TH: variants seen among roughly 807,000 people sequenced by gnomAD.
The protein encoded by TH is tyrosine 3-monooxygenase.
Under a neutral mutation model 57.4 loss-of-function variants are expected in TH, and 49 were observed. The observed-to-expected ratio is 0.85, with a 90% CI of 0.68 to 1.08. The LOEUF is 1.08. TH is among the 50% of genes least tolerant of loss of function. The pLI, the probability that TH is intolerant of heterozygous loss-of-function variation, is 0.00. For synonymous variants in TH, 330 were observed against 304.5 expected, an observed-to-expected ratio of 1.08 and a Z score of -0.87; for missense variants, 720 against 696.7, an observed-to-expected ratio of 1.03 and a Z score of -0.38.
rs1411929969 is a variant in TH, at chr11:2,171,199, C to G, written c.90+498G>C. On this transcript the variant is annotated intron_variant, in intron 1 of 12. Coordinates refer to ENST00000352909, the MANE Select transcript of TH (RefSeq NM_000360.4). The surrounding 1 kb of genome is among the most constrained non-coding windows in gnomAD (Gnocchi z 8.6). ...AATTTTGCCCCCTATTTGCCCAGGA[C>G]CCCCCACCATGAGCTGCTGCTAGAG... 6.6e-6 allele frequency among the ~76,000 whole-genome samples: 1 copy of G among 152,002 alleles called. No individual in the cohort carries two copies. The highest frequency in any genetic ancestry group is 6.5e-5 in the Admixed American group (1 of 15,270).
At chr11:2,167,322 G>T (rs372908862) in intron 6 of TH, 113 bp downstream of exon 6, 2 of 1,277,272 alleles carry the variant, frequency 1.6e-6, no homozygotes, top group Non-Finnish European at 2.2e-6. Context: ...TCTTCTTCCC[G>T]GCCTTAGTCT....
intron 5 of TH, 99 bp downstream of exon 5, chr11:2,167,767 G>A (rs1432195360): frequency 7.1e-7 from 1 of 1,398,822 alleles, no homozygotes; most frequent in East Asian, 2.5e-5. Context: ...TGATGCTGGT[G>A]ACAAGATGGG....
rs777421313 is a variant in TH, at chr11:2,164,337, G to C, written c.1390C>G (p.Leu464Val). Reference protein sequence around the residue: ...PFSVKFDPYTLAIDVLDSPQA... With the variant: ...PFSVKFDPYTVAIDVLDSPQA... ...GGGCTGTCCAGCACGTCGATGGCCAGCGTGTACGGGTCGAACTTCACGGAG... is the reference window on the plus strand; with the variant it reads ...GGGCTGTCCAGCACGTCGATGGCCACCGTGTACGGGTCGAACTTCACGGAG... Residue 464 changes from leucine to valine, a missense_variant, in exon 13 of 13, where the codon CTG (leucine) becomes GTG (valine). By Grantham distance (32) the Leu-to-Val change is conservative. Coordinates refer to ENST00000352909, the MANE Select transcript of TH (RefSeq NM_000360.4). 2 of 1,543,794 alleles carry C rather than the reference G, an allele frequency of 1.3e-6. No homozygotes were observed. The highest frequency in any genetic ancestry group is 3.9e-5 in the Admixed American group (2 of 51,898).
In TH at chr11:2,164,193, C is replaced by G. The variant is rs1251518009; in HGVS notation, c.*40G>C. 2.1e-6 allele frequency: 3 copies of G among 1,422,070 alleles called. No homozygotes were observed. The African/African-American group carries it at 4.4e-5, about 21-fold the overall frequency. 88.1% of individuals were successfully genotyped at this position (1,422,070 alleles called of 1,614,324 possible). The stretch of plus-strand genomic sequence containing the variant: ...GCCTGAGCTCCGGGACAGTGCAGGA[C>G]CAGGGGAGGTTGGGAAGGGCCCTCA... On this transcript the variant is annotated 3_prime_UTR_variant, in exon 13 of 13. Transcript: ENST00000352909.
intron 6 of TH, 161 bp downstream of exon 6, chr11:2,167,274 C>T (rs539279551): frequency 2.0e-6 from 2 of 1,013,836 alleles, no homozygotes; most frequent in Admixed American, 2.1e-5. Flanking sequence ...TGGGTAGCCT[C>T]TTCCTCCCAA....
intron 2 of TH, among the ~76,000 whole-genome samples, chr11:2,169,062 G>T (rs760138707): frequency 6.6e-6 from 1 of 152,164 alleles, no homozygotes; most frequent in Non-Finnish European, 1.5e-5. Flanking sequence ...GCCCCTGAGC[G>T]TCCAGGACAC....
chr11:2,166,765 C>A lies in TH; in HGVS notation c.845G>T (p.Arg282Leu). 1.3e-6 allele frequency: 2 copies of A among 1,549,090 alleles called. No homozygotes were observed. The highest frequency in any genetic ancestry group is 1.7e-6 in the Non-Finnish European group (2 of 1,146,478). ...LEDVSRFLKE[R>L]TGFQLRPVAG... ...CACAGGCCGCAGCTGGAAGCCCGTG[C>A]GCTCTGCAAGGGGCCACGCGGGTCA... Residue 282 changes from arginine (R) to leucine (L), a missense_variant, in exon 8 of 13, where the codon CGC becomes CTC. Transcript: ENST00000352909.
chr11:2,166,110 C>A lies in TH; in HGVS notation c.1048-52G>T, dbSNP rs757246905. ...GGGAGAGGCAGCCCTGGGTCATGCT[C>A]GAGGTGGGGGCACCGGGGGTGTCAG... is the stretch of plus-strand genomic sequence containing the variant. On this transcript the variant is annotated intron_variant, in intron 9 of 12. Transcript: ENST00000352909. 3 of 1,540,720 alleles carry A rather than the reference C, an allele frequency of 1.9e-6. No homozygotes were observed. In the South Asian group the frequency reaches 3.6e-5, roughly 18 times the overall value.
chr11:2,171,806 G>A lies in TH; in HGVS notation c.-20C>T, dbSNP rs753422997. ...GGGCATGGCTCAGTGTGGAGGTCCG[G>A]GCTCCGTCTCCACAGCCCTGGCCCA... On this transcript the variant is annotated 5_prime_UTR_variant, in exon 1 of 13. Transcript: ENST00000352909. This position sits in a 1 kb window ranked among gnomAD's most constrained non-coding sequence, Gnocchi z 8.6. 1 of 1,606,980 alleles carries A rather than the reference G, an allele frequency of 6.2e-7. No individual in the cohort carries two copies. The highest frequency in any genetic ancestry group is 1.3e-5 in the African/African-American group (1 of 74,824).
Position 2,165,304 on chromosome 11 carries a change from G to A in TH, c.1262C>T (p.Pro421Leu), listed in dbSNP as rs752022049. 1.9e-6 allele frequency: 3 copies of A among 1,612,750 alleles called. No homozygotes were observed. Among genetic ancestry groups the A allele is most frequent in the South Asian group, 2.2e-5 (2 of 91,088 alleles). ...TGACTGGTACGTCTGGTCTTGGTAG[G>A]GCTGCACGGCCGCAGCCTCAGGGTC... ...AFDPEAAAVQ[P>L]YQDQTYQSVY... is the part of the protein sequence containing the mutation. Residue 421 changes from proline to leucine, a missense_variant, in exon 12 of 13, where the codon CCC (proline) becomes CTC (leucine). Pro to Leu is a moderately conservative substitution (Grantham distance 98). Coordinates refer to ENST00000352909, the MANE Select transcript of TH (RefSeq NM_000360.4).
chr11:2,166,221 C>A, intron 9 of TH, 163 bp from the exon 10 acceptor site: 1 of 917,890 alleles, frequency 1.1e-6, no homozygotes, highest in Non-Finnish European at 1.7e-6. Context: ...ACCGGGCCTC[C>A]TCCTCCAGGC....
Position 2,164,220 on chromosome 11 carries a change from G to T in TH, c.*13C>A. 6.9e-7 allele frequency: 1 copy of T among 1,441,554 alleles called. No homozygotes were observed. The highest frequency in any genetic ancestry group is 9.1e-7 in the Non-Finnish European group (1 of 1,093,186). The allele number at this position is 1,441,554 out of a possible 1,614,324, so 89.3% of individuals were successfully genotyped here. ...AGGGGAGGTTGGGAAGGGCCCTCAG[G>T]GACGCCGTGCACCTAGCCAATGGCA... is the stretch of plus-strand genomic sequence containing the variant. On this transcript the variant is annotated 3_prime_UTR_variant, in exon 13 of 13. Coordinates refer to ENST00000352909, the MANE Select transcript of TH (RefSeq NM_000360.4).
chr11:2,165,330 G>A lies in TH; in HGVS notation c.1236C>T (p.Phe412=), dbSNP rs367624648. ...GCTGCACGGCCGCAGCCTCAGGGTC[G>A]AAGGCCCGAATCTCAGGCTCCTCAG... ...CLSEEPEIRA[F]DPEAAAVQPY... Residue 412 remains phenylalanine, a synonymous_variant, in exon 12 of 13, where the codon TTC becomes TTT. Coordinates refer to ENST00000352909, the MANE Select transcript of TH (RefSeq NM_000360.4). The A allele has an allele frequency of 3.5e-5, 56 of 1,612,110 alleles. No individual in the cohort carries two copies. Among genetic ancestry groups the A allele is most frequent in the Admixed American group, 6.7e-5 (4 of 60,004 alleles).
In TH at chr11:2,171,657, C is replaced by A; in HGVS notation, c.90+40G>T. ...GGCAGCTGGCACCAGCCCTGGGCTC[C>A]GGTCCACTGCGGCCGCCGGGCACCT... On this transcript the variant is annotated intron_variant, in intron 1 of 12. Transcript: ENST00000352909. The surrounding 1 kb of genome is among the most constrained non-coding windows in gnomAD (Gnocchi z 8.6). 2 of 1,601,004 alleles carry A rather than the reference C, an allele frequency of 1.2e-6. No homozygotes were observed. Among genetic ancestry groups the A allele is most frequent in the Non-Finnish European group, 1.7e-6 (2 of 1,174,856 alleles).
At chr11:2,169,217 G>T (rs1306041146) in intron 2 of TH, among the ~76,000 whole-genome samples, 9 of 152,154 alleles carry the variant, frequency 5.9e-5, no homozygotes. Context: ...GCTTCTTCCG[G>T]GAGCTGGGTC....
rs1846093556 is a variant in TH, at chr11:2,166,488, A to C, written c.1039T>G (p.Phe347Val). The C allele has an allele frequency of 6.3e-7, 1 of 1,590,424 alleles. No individual in the cohort carries two copies. The highest frequency in any genetic ancestry group is 8.5e-7 in the Non-Finnish European group (1 of 1,174,644). Residue 347 changes from phenylalanine (F) to valine (V), a missense_variant, in exon 9 of 13, where the codon TTC becomes GTC. Coordinates refer to ENST00000352909, the MANE Select transcript of TH (RefSeq NM_000360.4). ...PMLADRTFAQ[F>V]SQDIGLASLG... ...CCGAGGCCGCGGCGTACCTGCGAGA[A>C]CTGCGCGAAGGTGCGGTCGGCCAGC...
intron 9 of TH, 79 bp from the exon 10 acceptor site, chr11:2,166,137 AG>A: frequency 2.0e-6 from 3 of 1,464,590 alleles, no homozygotes; most frequent in Admixed American, 2.0e-5. Flanking sequence ...GGGTGTCAGC[AG>A]CCCCTCCAGG....
rs367874223 is a variant in TH at position 2,165,337 on chromosome 11, C to T, written c.1229G>A (p.Arg410Gln). ...GGCCGCAGCCTCAGGGTCGAAGGCC[C>T]GAATCTCAGGCTCCTCAGACAGGCA... ...LHCLSEEPEI[R>Q]AFDPEAAAVQ... The change falls in exon 12 of 13, where the codon CGG becomes CAG. Residue 410 changes from arginine to glutamine, a missense_variant. Coordinates refer to ENST00000352909, the MANE Select transcript of TH (RefSeq NM_000360.4). The T allele has an allele frequency of 1.4e-5, 23 of 1,611,874 alleles. No individual in the cohort carries two copies. Among genetic ancestry groups the T allele is most frequent in the Middle Eastern group, 1.6e-4 (1 of 6,084 alleles).
At chr11:2,167,157 A>C in intron 6 of TH, 125 bp from the exon 7 acceptor site, 1 of 1,415,556 alleles carries the variant, frequency 7.1e-7, no homozygotes, top group Non-Finnish European at 9.5e-7. Context: ...GGACCCCTGA[A>C]GACCCAGGCC....
Sources: gnomAD v4.1 joint callset for allele counts (sites outside exome capture counted in the v4.1 genomes callset) on GRCh38, gnomAD v4.1.1 for gene constraint, Gnocchi (gnomAD v3.1) non-coding constraint, MANE v1.5 for transcripts, NCBI Gene and HGNC (gene_info 2026-07-23, HGNC 2026-07-21) for gene names.